TSEN2: variants seen among roughly 807,000 people sequenced by gnomAD.
The protein encoded by TSEN2 is tRNA splicing endonuclease subunit 2.
TSEN2 carries 54 observed loss-of-function variants against 59.2 expected under a neutral mutation model. The observed-to-expected ratio is 0.91, with a 90% CI of 0.73 to 1.14. The LOEUF is 1.14. Ranked by LOEUF, TSEN2 falls within the 50% of genes most tolerant of loss-of-function variation. TSEN2 has a pLI of 0.00. For synonymous variants in TSEN2, 195 were observed against 198.2 expected (o/e 0.98, Z 0.14); for missense variants, 636 against 576.2 (o/e 1.10, Z -1.06).
intron 8 of TSEN2, among the ~76,000 whole-genome samples, chr3:12,520,002 C>CT (rs57040794): frequency 0.054 from 7,826 of 146,052 alleles, 375 homozygotes; most frequent in African/African-American, 0.13. Flanking sequence ...CGCTTACTGT[C>CT]TTTTTTTTTT....
chr3:12,506,816 G>T (rs895500707), intron 6 of TSEN2: 4 of 985,280 alleles, frequency 4.1e-6, no homozygotes, highest in East Asian at 1.1e-4. Context: ...GCAGTGTCCA[G>T]TGTGGTTCTT....
At chr3:12,485,717 T>G (rs1336955089) in intron 1 of TSEN2, among the ~76,000 whole-genome samples, 1 of 152,190 alleles carries the variant, frequency 6.6e-6, no homozygotes, top group Non-Finnish European at 1.5e-5. Flanking sequence ...AATCTGCATT[T>G]TTCAATCATC....
At chr3:12,499,587 G>T (rs951360104) in intron 4 of TSEN2, among the ~76,000 whole-genome samples, 1 of 152,198 alleles carries the variant, frequency 6.6e-6, no homozygotes, top group Non-Finnish European at 1.5e-5. Flanking sequence ...TACTAGAGAT[G>T]TTTCTGTTTC....
chr3:12,513,467 T>C (rs1238489941), intron 6 of TSEN2, among the ~76,000 whole-genome samples: 4 of 152,228 alleles, frequency 2.6e-5, no homozygotes, highest in Non-Finnish European at 5.9e-5. Context: ...TTAGGTGCTT[T>C]TCATAGCTTA....
intron 6 of TSEN2, among the ~76,000 whole-genome samples, chr3:12,510,707 A>G (rs2055355758): frequency 6.6e-6 from 1 of 152,002 alleles, no homozygotes; most frequent in South Asian, 2.1e-4. Flanking sequence ...GAATCTGGTG[A>G]TTAGAATGTC....
At chr3:12,509,081 A>G (rs1325424061) in intron 6 of TSEN2, among the ~76,000 whole-genome samples, 2 of 152,162 alleles carry the variant, frequency 1.3e-5, no homozygotes, top group Non-Finnish European at 2.9e-5. Context: ...AAATAGATTG[A>G]TTTGGGGGAG....
At chr3:12,498,933 C>T (rs1364384532) in intron 4 of TSEN2, among the ~76,000 whole-genome samples, 4 of 152,002 alleles carry the variant, frequency 2.6e-5, no homozygotes, top group Non-Finnish European at 5.9e-5. Flanking sequence ...AATAGTTGTT[C>T]GTATTTTTTG....
chr3:12,480,605 A>G (rs976606944), upstream of TSEN2, among the ~76,000 whole-genome samples: 4 of 128,756 alleles, frequency 3.1e-5, no homozygotes, highest in African/African-American at 1.2e-4. Flanking sequence ...ATCTCCGCTC[A>G]CTGTAACCTC....
At chr3:12,510,236 T>C (rs2055291573) in intron 6 of TSEN2, among the ~76,000 whole-genome samples, 1 of 152,190 alleles carries the variant, frequency 6.6e-6, no homozygotes, top group Admixed American at 6.6e-5. Flanking sequence ...CTGTGCGCAG[T>C]GCGAAGACCT....
At chr3:12,520,797 A>C (rs918568679) in intron 8 of TSEN2, among the ~76,000 whole-genome samples, 1 of 151,930 alleles carries the variant, frequency 6.6e-6, no homozygotes, top group African/African-American at 2.4e-5. Context: ...AAAAAAAAAA[A>C]TTTTTAGGTT....
chr3:12,517,143 C>T (rs895796063), intron 7 of TSEN2, among the ~76,000 whole-genome samples: 2 of 151,968 alleles, frequency 1.3e-5, no homozygotes, highest in African/African-American at 4.8e-5. Flanking sequence ...GTCAGGAGAT[C>T]GAGACCATCC....
Position 12,529,887 on chromosome 3 carries a change from A to G in TSEN2, c.1248+14A>G. ...AATGTCTCTAAGGTAACACAACATC[A>G]GCTTTGCCATTGGAGTGTCACTTAA... On this transcript the variant is annotated intron_variant, in intron 10 of 11. Coordinates refer to ENST00000284995, the MANE Select transcript of TSEN2 (RefSeq NM_025265.4). 1 of 1,612,124 alleles carries G rather than the reference A, an allele frequency of 6.2e-7. No individual in the cohort carries two copies.
intron 1 of TSEN2, among the ~76,000 whole-genome samples, chr3:12,488,914 T>C (rs10510422): frequency 0.065 from 9,850 of 152,280 alleles, 699 homozygotes; most frequent in African/African-American, 0.17. Flanking sequence ...CTCTCTAACC[T>C]GAATCTGTTT....
intron 2 of TSEN2, among the ~76,000 whole-genome samples, chr3:12,490,198 CT>C (rs2053072663): frequency 6.6e-6 from 1 of 152,180 alleles, no homozygotes; most frequent in Non-Finnish European, 1.5e-5. Flanking sequence ...TGGAGCACCC[CT>C]GCCCACAAAC....
At position 12,503,522 on chromosome 3, in the gene TSEN2, T is replaced by C; in HGVS notation, c.569T>C (p.Leu190Ser). Residue 190 changes from leucine to serine, a missense_variant, in exon 5 of 12, where the codon TTA (leucine) becomes TCA (serine). Coordinates refer to ENST00000284995, the MANE Select transcript of TSEN2 (RefSeq NM_025265.4). ...SGGVGDPREP[L>S]GCLQEGSGCH... ...GGTGTGGGTGATCCCCGTGAGCCAT[T>C]AGGCTGCCTGCAGGAGGGCTCTGGC... 6.2e-7 allele frequency: 1 copy of C among 1,613,566 alleles called. No homozygotes were observed. The highest frequency in any genetic ancestry group is 8.5e-7 in the Non-Finnish European group (1 of 1,179,520).
Position 12,505,222 on chromosome 3 carries a change from C to A in TSEN2, c.900C>A (p.Ser300Arg). ...GGATCTTTGAGTATTTGCAACTCAG[C>A]CTAGAAGAGGTATGTTTTCAACATA... ...PYRIFEYLQL[S>R]LEEAFFLVYA... The change falls in exon 6 of 12, where the codon AGC (serine) becomes AGA (arginine). Residue 300 changes from serine (S) to arginine (R), a missense_variant. Transcript: ENST00000284995. The A allele has an allele frequency of 6.2e-7, 1 of 1,606,182 alleles. No individual in the cohort carries two copies. Among genetic ancestry groups the A allele is most frequent in the Non-Finnish European group, 8.5e-7 (1 of 1,172,828 alleles).
chr3:12,529,969 G>A, intron 10 of TSEN2, 96 bp downstream of exon 10: 1 of 1,536,864 alleles, frequency 6.5e-7, no homozygotes, highest in Non-Finnish European at 8.7e-7. Context: ...GTTAGTTGTA[G>A]AAACTTCATA....
At chr3:12,531,762 T>A in intron 11 of TSEN2, 103 bp downstream of exon 11, 1 of 827,580 alleles carries the variant, frequency 1.2e-6, no homozygotes, top group Non-Finnish European at 2.0e-6. Flanking sequence ...AGTTTTGCCT[T>A]GGTAACAGAG....
At chr3:12,518,524 A>G (rs1019230159) in intron 7 of TSEN2, among the ~76,000 whole-genome samples, 13 of 152,066 alleles carry the variant, frequency 8.5e-5, no homozygotes, top group African/African-American at 2.2e-4. Context: ...AGTCCTCTGG[A>G]GCAGTGCTGT....
Sources: gnomAD v4.1 joint callset for allele counts (sites outside exome capture counted in the v4.1 genomes callset) on GRCh38, gnomAD v4.1.1 for gene constraint, MANE v1.5 for transcripts, NCBI Gene and HGNC (gene_info 2026-07-23, HGNC 2026-07-21) for gene names.